Variants in RYR3 observed in about 807,000 individuals in gnomAD.
RYR3 encodes brain ryanodine receptor-calcium release channel.
Under a neutral mutation model 584.3 loss-of-function variants are expected in RYR3, and 207 were observed. The observed-to-expected ratio is 0.35, with a 90% CI of 0.32 to 0.40. RYR3 has a LOEUF of 0.40. RYR3 is among the 10% of genes least tolerant of loss of function. RYR3 has a pLI of 1.00. For synonymous variants in RYR3, 2,416 were observed against 2,248.5 expected, an observed-to-expected ratio of 1.07 and a Z score of -2.11; for missense variants, 5,616 against 6,089.2, an observed-to-expected ratio of 0.92 and a Z score of 2.59.
intron 1 of RYR3, among the ~76,000 whole-genome samples, chr15:33,331,887 G>T (rs1036816526): frequency 6.6e-6 from 1 of 151,936 alleles, no homozygotes; most frequent in African/African-American, 2.4e-5. Flanking sequence ...ATAATTGCAT[G>T]TAAATAGCAT....
intron 2 of RYR3, 88 bp from the exon 3 acceptor site, chr15:33,503,543 C>G (rs2052193314): frequency 1.3e-6 from 1 of 763,210 alleles, no homozygotes; most frequent in African/African-American, 1.7e-5. Context: ...CATTTTGATT[C>G]ATAGGCTCTT....
In RYR3 at chr15:33,379,687, C is replaced by CTATATA. The variant is rs1555448829; in HGVS notation, c.51+68607_51+68612dup. On this transcript the variant is annotated intron_variant, in intron 1 of 103. Coordinates refer to ENST00000634891, the MANE Select transcript of RYR3 (RefSeq NM_001036.6). ...TGTCCCTCTCTCTCTCTCTCTCTCT[C>CTATATA]TATATATATATATATATATATGAAT... is the stretch of plus-strand genomic sequence containing the variant. 3.1e-3 allele frequency among the ~76,000 whole-genome samples: 388 copies of CTATATA among 125,486 alleles called. 2 individuals carry two copies. The highest frequency in any genetic ancestry group is 5.4e-3 in the African/African-American group (152 of 28,200). The allele number at this position is 125,486 out of a possible 152,430, so 82.3% of individuals were successfully genotyped here.
chr15:33,613,491 C>G, intron 19 of RYR3, 116 bp downstream of exon 19: 1 of 1,072,074 alleles, frequency 9.3e-7, no homozygotes, highest in Non-Finnish European at 1.3e-6. Context: ...ACTAAGTTCC[C>G]CAGGACAGTG....
At position 33,311,105 on chromosome 15, in the gene RYR3, C is replaced by G; in HGVS notation, c.51+9C>G. 6.4e-7 allele frequency: 1 copy of G among 1,568,972 alleles called. No homozygotes were observed. The highest frequency in any genetic ancestry group is 8.6e-7 in the Non-Finnish European group (1 of 1,159,002). On this transcript the variant is annotated intron_variant, in intron 1 of 103. Transcript: ENST00000634891. This position sits in a 1 kb window ranked among gnomAD's most constrained non-coding sequence, Gnocchi z 4.4. ...TCCAGTTTCTGAGGACTGTGAGTCT[C>G]CGCGGCGGGGGCGAGGCCGTGGGCA...
intron 48 of RYR3, among the ~76,000 whole-genome samples, chr15:33,731,997 C>G (rs1210283542): frequency 6.6e-6 from 1 of 152,148 alleles, no homozygotes; most frequent in Non-Finnish European, 1.5e-5. Flanking sequence ...TGTCTTCATT[C>G]TCTTCATTCT....
At position 33,836,899 on chromosome 15, in the gene RYR3, G is replaced by C; in HGVS notation, c.11569-7G>C. ...TAGCTCAGGGGTATCTCCTGTTTCT[G>C]TTCTAGGATTCCAGTCAGATCGAGC... On this transcript the variant is annotated splice_polypyrimidine_tract_variant and splice_region_variant and intron_variant, in intron 87 of 103. Coordinates refer to ENST00000634891, the MANE Select transcript of RYR3 (RefSeq NM_001036.6). 1 of 1,611,884 alleles carries C rather than the reference G, an allele frequency of 6.2e-7. No individual in the cohort carries two copies. The highest frequency in any genetic ancestry group is 8.5e-7 in the Non-Finnish European group (1 of 1,178,774).
chr15:33,633,786 G>C (rs768544346), intron 24 of RYR3, among the ~76,000 whole-genome samples: 4 of 152,198 alleles, frequency 2.6e-5, no homozygotes, highest in Non-Finnish European at 5.9e-5. Flanking sequence ...TCCCTCCTAA[G>C]GAACCGAGAG....
intron 7 of RYR3, among the ~76,000 whole-genome samples, chr15:33,543,109 T>A (rs1238864660): frequency 1.3e-5 from 2 of 152,092 alleles, no homozygotes; most frequent in Non-Finnish European, 2.9e-5. Context: ...GCAACCAGAT[T>A]TGATCTGTTT....
chr15:33,387,767 G>A (rs889507610), intron 1 of RYR3, among the ~76,000 whole-genome samples: 19 of 151,826 alleles, frequency 1.3e-4, no homozygotes, highest in Non-Finnish European at 1.9e-4. Flanking sequence ...CTAAAAAAAG[G>A]AACAAAGAAC....
chr15:33,749,861 C>T, intron 55 of RYR3, 118 bp from the exon 56 acceptor site: 1 of 762,702 alleles, frequency 1.3e-6, no homozygotes, highest in Admixed American at 2.4e-5. Context: ...CCTTGGCCGT[C>T]TGCTGTTAGT....
intron 43 of RYR3, among the ~76,000 whole-genome samples, chr15:33,713,828 C>T (rs2152797846): frequency 6.6e-6 from 1 of 152,228 alleles, no homozygotes; most frequent in East Asian, 1.9e-4. Context: ...GTGGAAGAGG[C>T]AAGGCAGCTC....
chr15:33,535,108 A>C (rs1450471596), intron 5 of RYR3, among the ~76,000 whole-genome samples: 1 of 152,248 alleles, frequency 6.6e-6, no homozygotes, highest in Non-Finnish European at 1.5e-5. Context: ...ATTTGAATAC[A>C]GTCTGTAATA....
Position 33,748,274 on chromosome 15 carries a change from C to T in RYR3, c.8136+14C>T, listed in dbSNP as rs754486247. 1.2e-6 allele frequency: 2 copies of T among 1,613,040 alleles called. No homozygotes were observed. The highest frequency in any genetic ancestry group is 1.1e-5 in the South Asian group (1 of 90,942). On this transcript the variant is annotated intron_variant, in intron 54 of 103. Coordinates refer to ENST00000634891, the MANE Select transcript of RYR3 (RefSeq NM_001036.6). ...CAGGCCAACCAGGTATGACACCACA[C>T]CCAGAGGCCCACGCTGGGCCGATGG... is the stretch of plus-strand genomic sequence containing the variant.
chr15:33,333,619 C>T (rs1010697052), intron 1 of RYR3, among the ~76,000 whole-genome samples: 10 of 152,176 alleles, frequency 6.6e-5, no homozygotes, highest in Non-Finnish European at 1.2e-4. Flanking sequence ...AAGCATATCC[C>T]TTGGAAACCA....
chr15:33,767,051 C>T (rs2073135459), intron 60 of RYR3, among the ~76,000 whole-genome samples: 2 of 152,244 alleles, frequency 1.3e-5, no homozygotes, highest in Admixed American at 1.3e-4. Flanking sequence ...ACCCAAATAT[C>T]TGCCTTTGTT....
intron 1 of RYR3, among the ~76,000 whole-genome samples, chr15:33,419,910 A>T (rs1227315794): frequency 6.6e-6 from 1 of 152,204 alleles, no homozygotes; most frequent in Non-Finnish European, 1.5e-5. Flanking sequence ...TGCCTGCATA[A>T]GCAGCGTATG....
In RYR3 at chr15:33,831,110, A is replaced by G; in HGVS notation, c.11463+19A>G. 3 of 1,608,436 alleles carry G rather than the reference A, an allele frequency of 1.9e-6. No homozygotes were observed. Among genetic ancestry groups the G allele is most frequent in the Non-Finnish European group, 2.5e-6 (3 of 1,178,002 alleles). On this transcript the variant is annotated intron_variant, in intron 86 of 103. Coordinates refer to ENST00000634891, the MANE Select transcript of RYR3 (RefSeq NM_001036.6). Reference sequence around the variant, plus strand: ...CATCCAGGTATGTGCTACAGAGTGCATGGTTGAAAACAAAGAGAACATTGT... The same window carrying G: ...CATCCAGGTATGTGCTACAGAGTGCGTGGTTGAAAACAAAGAGAACATTGT...
At chr15:33,689,344 C>T (rs1049302105) in intron 38 of RYR3, among the ~76,000 whole-genome samples, 1 of 152,042 alleles carries the variant, frequency 6.6e-6, no homozygotes, top group Non-Finnish European at 1.5e-5. Flanking sequence ...ATGTTATGCA[C>T]ATGTACCCTA....
At chr15:33,759,404 A>G (rs2072203516) in intron 60 of RYR3, among the ~76,000 whole-genome samples, 1 of 152,226 alleles carries the variant, frequency 6.6e-6, no homozygotes, top group African/African-American at 2.4e-5. Flanking sequence ...CTTGATAAAA[A>G]CTTAGAGGAA....
Sources: allele counts gnomAD v4.1 joint callset (sites outside exome capture counted in the v4.1 genomes callset), GRCh38; gene constraint gnomAD v4.1.1; non-coding constraint Gnocchi (gnomAD v3.1); transcripts MANE v1.5; gene names NCBI Gene and HGNC (gene_info 2026-07-23, HGNC 2026-07-21).